Variants in NUCB2 observed in about 807,000 individuals in gnomAD.
NUCB2 encodes the protein nucleobindin 2, also known as nucleobindin-2.
Under a neutral mutation model 57.9 loss-of-function variants are expected in NUCB2, and 48 were observed. That is an observed-to-expected ratio of 0.83 (90% CI 0.66 to 1.05). NUCB2 has a LOEUF of 1.05. Ranked by LOEUF, NUCB2 falls within the 50% of genes least tolerant of loss-of-function variation. NUCB2 has a pLI of 0.00. For synonymous variants in NUCB2, 139 were observed against 152.1 expected, an observed-to-expected ratio of 0.91 and a Z score of 0.64; for missense variants, 442 against 476.2, an observed-to-expected ratio of 0.93 and a Z score of 0.67.
chr11:17,331,278 G>T (rs924133416), intron 13 of NUCB2, 134 bp from the exon 14 acceptor site: 6 of 510,948 alleles, frequency 1.2e-5, no homozygotes, highest in East Asian at 1.0e-4. Context: ...TCTTACCAGA[G>T]AATATGTTTT....
rs116973902 is a variant in NUCB2, at chr11:17,348,486, C to T, written n.2627-859C>T. ...CTCAAATAGCTGGGAATATAGGTGA[C>T]ACCACCACACCCAGCTAATATCTTG... On this transcript the variant is annotated intron_variant and non_coding_transcript_variant, in intron 2 of 2. Transcript: ENST00000532240. 2.4e-4 allele frequency among the ~76,000 whole-genome samples: 37 copies of T among 151,872 alleles called. 1 individual carries two copies. The East Asian group carries it at 6.0e-3, about 25-fold the overall frequency.
chr11:17,311,556 G>T (rs1333023780), intron 8 of NUCB2, among the ~76,000 whole-genome samples: 1 of 152,056 alleles, frequency 6.6e-6, no homozygotes, highest in African/African-American at 2.4e-5. Context: ...TGACTAGCTA[G>T]GTTATATCTA....
chr11:17,287,195 A>T (rs1018642172), intron 2 of NUCB2, among the ~76,000 whole-genome samples: 1 of 152,048 alleles, frequency 6.6e-6, no homozygotes, highest in Admixed American at 6.6e-5. Context: ...ATCACCACGC[A>T]TGGTGGCTTG....
chr11:17,294,098 A>C (rs897512250), intron 2 of NUCB2, among the ~76,000 whole-genome samples: 1 of 152,258 alleles, frequency 6.6e-6, no homozygotes, highest in African/African-American at 2.4e-5. Flanking sequence ...GACAAGAAGC[A>C]TGAATGAATA....
chr11:17,342,154 G>GTGA (rs2139630086), intron 2 of NUCB2, among the ~76,000 whole-genome samples: 1 of 152,268 alleles, frequency 6.6e-6, no homozygotes, highest in South Asian at 2.1e-4. Flanking sequence ...TGTGGGATCG[G>GTGA]TGATGATATC....
intron 2 of NUCB2, among the ~76,000 whole-genome samples, chr11:17,344,332 C>T (rs563067471): frequency 6.6e-6 from 1 of 152,164 alleles, no homozygotes; most frequent in Non-Finnish European, 1.5e-5. Flanking sequence ...TACGGAAAGA[C>T]TAGGGTGTTA....
intron 1 of NUCB2, among the ~76,000 whole-genome samples, chr11:17,282,234 A>ATC (rs1236496572): frequency 3.1e-4 from 19 of 61,882 alleles, no homozygotes; most frequent in Non-Finnish European, 5.3e-4. Flanking sequence ...CTATCTATCT[A>ATC]TCTATATATA....
chr11:17,336,550 C>T (rs972305534), downstream of NUCB2, among the ~76,000 whole-genome samples: 50 of 151,462 alleles, frequency 3.3e-4, no homozygotes, highest in Middle Eastern at 3.4e-3. Context: ...GTCAGGAGAT[C>T]GAGACCATCC....
chr11:17,320,699 C>A (rs2139206178), intron 11 of NUCB2, among the ~76,000 whole-genome samples: 1 of 152,174 alleles, frequency 6.6e-6, no homozygotes, highest in East Asian at 1.9e-4. Flanking sequence ...AAGGTGAGGG[C>A]ATATTGTACA....
chr11:17,340,779 G>C (rs1006378325), intron 2 of NUCB2, among the ~76,000 whole-genome samples: 1 of 151,996 alleles, frequency 6.6e-6, no homozygotes, highest in African/African-American at 2.4e-5. Context: ...TTGTTCTTTT[G>C]GCTTAGGATT....
intron 2 of NUCB2, among the ~76,000 whole-genome samples, chr11:17,288,549 C>CTTTTTTTT (rs752336919): frequency 0.014 from 1,022 of 75,370 alleles, 14 homozygotes; most frequent in Non-Finnish European, 0.02. Flanking sequence ...TCTTCTTCTT[C>CTTTTTTTT]TTCTTTTTTT....
At chr11:17,339,403 A>G (rs1952063370) in intron 2 of NUCB2, among the ~76,000 whole-genome samples, 1 of 152,026 alleles carries the variant, frequency 6.6e-6, no homozygotes, top group Admixed American at 6.6e-5. Context: ...CACAACATGC[A>G]GGTTTGTTAC....
chr11:17,287,910 A>T (rs1233598158), intron 2 of NUCB2, among the ~76,000 whole-genome samples: 1 of 152,094 alleles, frequency 6.6e-6, no homozygotes, highest in African/African-American at 2.4e-5. Flanking sequence ...TGAGGCAGGA[A>T]TCGCTTGAAC....
chr11:17,340,947 C>A (rs914314798), intron 2 of NUCB2, among the ~76,000 whole-genome samples: 3 of 152,182 alleles, frequency 2.0e-5, no homozygotes, highest in African/African-American at 7.2e-5. Flanking sequence ...ATTCTTCCTA[C>A]CCAGGAGCAT....
At chr11:17,343,971 A>G (rs1006766660) in intron 2 of NUCB2, among the ~76,000 whole-genome samples, 6 of 152,108 alleles carry the variant, frequency 3.9e-5, no homozygotes, top group Non-Finnish European at 7.4e-5. Context: ...TTTTGGGGAA[A>G]AGAAAAAGCA....
At chr11:17,303,501 G>A (rs887636700) in intron 5 of NUCB2, among the ~76,000 whole-genome samples, 15 of 152,072 alleles carry the variant, frequency 9.9e-5, no homozygotes, top group African/African-American at 3.6e-4. Flanking sequence ...TGATAAATTG[G>A]AATAAATATT....
chr11:17,290,928 A>G (rs774594203), intron 2 of NUCB2, among the ~76,000 whole-genome samples: 1 of 152,204 alleles, frequency 6.6e-6, no homozygotes, highest in South Asian at 2.1e-4. Flanking sequence ...TGATTTACAT[A>G]TCATACAATT....
At chr11:17,312,993 G>A (rs1948727500) in intron 10 of NUCB2, among the ~76,000 whole-genome samples, 1 of 151,010 alleles carries the variant, frequency 6.6e-6, no homozygotes, top group Non-Finnish European at 1.5e-5. Flanking sequence ...TTACAGGCAT[G>A]AGCCGCCGCA....
intron 11 of NUCB2, among the ~76,000 whole-genome samples, chr11:17,329,763 T>A (rs1001989462): frequency 6.6e-6 from 1 of 152,206 alleles, no homozygotes; most frequent in Non-Finnish European, 1.5e-5. Flanking sequence ...GCTCACCTGA[T>A]GTTTGCTTCT....
Sources: allele counts gnomAD v4.1 joint callset (sites outside exome capture counted in the v4.1 genomes callset), GRCh38; gene constraint gnomAD v4.1.1; transcripts MANE v1.5; gene names NCBI Gene and HGNC (gene_info 2026-07-23, HGNC 2026-07-21).